Variants in CFAP44 observed in about 807,000 individuals in gnomAD.
CFAP44 encodes the protein cilia and flagella associated protein 44, also known as cilia- and flagella-associated protein 44.
In CFAP44, 134 loss-of-function variants were observed where a neutral mutation model predicts 216.2. The ratio of observed to expected loss-of-function variants is 0.62; its 90% confidence interval spans 0.54 to 0.72. CFAP44 has a LOEUF of 0.72. CFAP44 is among the 30% of genes least tolerant of loss of function. The pLI is 0.00. For synonymous variants in CFAP44, 700 were observed against 727.6 expected (o/e 0.96, Z 0.61); for missense variants, 2,035 against 2,182.1 (o/e 0.93, Z 1.34).
chr3:113,326,030 A>G (rs943965489), intron 28 of CFAP44, among the ~76,000 whole-genome samples: 3 of 152,232 alleles, frequency 2.0e-5, no homozygotes, highest in Non-Finnish European at 4.4e-5. Flanking sequence ...TGCAAACCAC[A>G]TATCTGACAC....
chr3:113,324,701 G>C (rs1422648346), intron 28 of CFAP44, among the ~76,000 whole-genome samples: 1 of 152,160 alleles, frequency 6.6e-6, no homozygotes, highest in Non-Finnish European at 1.5e-5. Flanking sequence ...CACTCACATA[G>C]TACTGGATGT....
At chr3:113,302,918 A>G (rs1017738588) in intron 32 of CFAP44, among the ~76,000 whole-genome samples, 8 of 152,196 alleles carry the variant, frequency 5.3e-5, no homozygotes, top group African/African-American at 1.9e-4. Context: ...TCAAAAATGG[A>G]CAAAGGATAG....
At chr3:113,400,808 G>A in intron 11 of CFAP44, 164 bp from the exon 12 acceptor site, 1 of 658,798 alleles carries the variant, frequency 1.5e-6, no homozygotes. Flanking sequence ...TCAGAATTAG[G>A]AGAACCAGAT....
chr3:113,289,887 G>A lies in CFAP44; in HGVS notation c.*1670C>T, dbSNP rs1949812690. 1 of 152,318 alleles carries A rather than the reference G, an allele frequency of 6.6e-6. No homozygotes were observed. Among genetic ancestry groups the A allele is most frequent in the South Asian group, 2.1e-4 (1 of 4,836 alleles). The allele number at this position is 152,318 out of a possible 1,614,324, so 9.4% of individuals were successfully genotyped here. ...GAAGCCCTGCCTAATGGCCAAGGGA[G>A]TGAATTTGCTAATAGCCCCTCCAGC... On this transcript the variant is annotated 3_prime_UTR_variant, in exon 35 of 35. Coordinates refer to ENST00000393845, the MANE Select transcript of CFAP44 (RefSeq NM_001164496.2).
In CFAP44 at chr3:113,307,082, A is replaced by G. The variant is rs114890078; in HGVS notation, c.4628-751T>C. ...TTGTTTTTTCTCTACTGAACCGTTCATCTATTGAGACTGCAAGAAATTGGT... is the reference window on the plus strand; with the variant it reads ...TTGTTTTTTCTCTACTGAACCGTTCGTCTATTGAGACTGCAAGAAATTGGT... On this transcript the variant is annotated intron_variant, in intron 29 of 34. Transcript: ENST00000393845. 9.4e-3 allele frequency among the ~76,000 whole-genome samples: 1,425 copies of G among 152,350 alleles called. 21 individuals are homozygous for G. Among genetic ancestry groups the G allele is most frequent in the African/African-American group, 0.033 (1,375 of 41,576 alleles).
intron 13 of CFAP44, among the ~76,000 whole-genome samples, chr3:113,399,476 G>A (rs1190852541): frequency 6.9e-6 from 1 of 144,266 alleles, no homozygotes; most frequent in Non-Finnish European, 1.6e-5. Flanking sequence ...ATCTGCCTCT[G>A]CCTCCCTCCC....
At chr3:113,403,532 T>C (rs1242110417) in intron 9 of CFAP44, among the ~76,000 whole-genome samples, 1 of 152,250 alleles carries the variant, frequency 6.6e-6, no homozygotes, top group Non-Finnish European at 1.5e-5. Context: ...CCCATTCATA[T>C]GGAGCCTTTT....
In CFAP44 at chr3:113,436,606, T is replaced by C. The variant is rs147384408; in HGVS notation, c.-5-2937A>G. Reference sequence around the variant, plus strand: ...CTGACAGTCGTGACTGAAGTGACTATGATTGATCGATAATGATTTCTTTGA... The same window carrying C: ...CTGACAGTCGTGACTGAAGTGACTACGATTGATCGATAATGATTTCTTTGA... On this transcript the variant is annotated intron_variant, in intron 1 of 34. Coordinates refer to ENST00000393845, the MANE Select transcript of CFAP44 (RefSeq NM_001164496.2). Among the ~76,000 whole-genome samples the C allele has an allele frequency of 5.6e-4, 86 of 152,340 alleles. 1 individual carries two copies. The highest frequency in any genetic ancestry group is 1.6e-3 in the African/African-American group (66 of 41,574).
At chr3:113,420,764 G>A (rs1227825740) in intron 4 of CFAP44, among the ~76,000 whole-genome samples, 1 of 151,990 alleles carries the variant, frequency 6.6e-6, no homozygotes, top group East Asian at 1.9e-4. Flanking sequence ...CACACCATTT[G>A]ATAACATGAT....
chr3:113,361,344 CTATAG>C (rs1411179306), intron 21 of CFAP44: 2 of 214,296 alleles, frequency 9.3e-6, no homozygotes, highest in East Asian at 2.2e-4. Flanking sequence ...AAGTTGCGTA[CTATAG>C]TATAATTTTG....
chr3:113,326,408 G>C (rs1283873317), intron 28 of CFAP44, 37 bp downstream of exon 28: 3 of 1,446,592 alleles, frequency 2.1e-6, no homozygotes, highest in Admixed American at 2.8e-5. Context: ...ATGTTAATGA[G>C]AGAAAATAAG....
At chr3:113,315,457 G>T (rs1217966312) in intron 28 of CFAP44, among the ~76,000 whole-genome samples, 4 of 152,004 alleles carry the variant, frequency 2.6e-5, no homozygotes, top group African/African-American at 9.7e-5. Flanking sequence ...AATAAAAGAA[G>T]AAATGAAATA....
intron 2 of CFAP44, 79 bp downstream of exon 2, chr3:113,433,486 A>G (rs1211776163): frequency 1.2e-5 from 8 of 641,062 alleles, no homozygotes; most frequent in African/African-American, 1.9e-5. Flanking sequence ...TGCTCTTTCC[A>G]TTCTACTATA....
At chr3:113,349,205 C>T (rs1299793118) in intron 22 of CFAP44, among the ~76,000 whole-genome samples, 1 of 152,186 alleles carries the variant, frequency 6.6e-6, no homozygotes, top group Non-Finnish European at 1.5e-5. Flanking sequence ...CTTCCTCAAG[C>T]TGCTATGGGA....
Position 113,400,627 on chromosome 3 carries a change from G to A in CFAP44, c.1392C>T (p.Cys464=). The part of the protein sequence containing the change: ...SFSNITQDPE[C]LFSFHSGAIE... ...TAGCTCCAGAATGGAAGGAGAAGAG[G>A]CATTCTGGGTCCTGGGTCTGAGAAT... Residue 464 remains cysteine (C), a synonymous_variant, in exon 12 of 35, where the codon TGC becomes TGT. Transcript: ENST00000393845. The A allele has an allele frequency of 6.2e-7, 1 of 1,608,996 alleles. No homozygotes were observed. The highest frequency in any genetic ancestry group is 1.1e-5 in the South Asian group (1 of 90,626).
intron 34 of CFAP44, 99 bp downstream of exon 34, chr3:113,294,588 A>T: frequency 7.1e-7 from 1 of 1,409,078 alleles, no homozygotes; most frequent in Non-Finnish European, 9.3e-7. Context: ...AAGATCAAGC[A>T]AGGTTTGTTT....
intron 21 of CFAP44, among the ~76,000 whole-genome samples, chr3:113,362,560 C>A (rs1319574365): frequency 2.0e-5 from 3 of 152,200 alleles, no homozygotes; most frequent in Non-Finnish European, 4.4e-5. Flanking sequence ...TAATAGGCAT[C>A]AGAAACCCCA....
chr3:113,424,844 A>G lies in CFAP44; in HGVS notation c.407+1280T>C, dbSNP rs139992058. 2.9e-3 allele frequency among the ~76,000 whole-genome samples: 447 copies of G among 152,356 alleles called. 3 individuals are homozygous for G. The highest frequency in any genetic ancestry group is 0.01 in the African/African-American group (425 of 41,582). Reference sequence around the variant, plus strand: ...TGACTCTGATGTTTAGAATTTAGGCATATTTGTCTAATACAGACCCTCCCA... The same window carrying G: ...TGACTCTGATGTTTAGAATTTAGGCGTATTTGTCTAATACAGACCCTCCCA... On this transcript the variant is annotated intron_variant, in intron 4 of 34. Transcript: ENST00000393845.
rs375586953 is a variant in CFAP44 at position 113,360,382 on chromosome 3, G to A, written c.2935-1507C>T. ...GAATACTATATGTCTGAGTATTTGA[G>A]AATGAGTGGTGTCTATTGGGGTTTG... On this transcript the variant is annotated intron_variant, in intron 21 of 34. Coordinates refer to ENST00000393845, the MANE Select transcript of CFAP44 (RefSeq NM_001164496.2). 303 of 227,300 alleles carry A rather than the reference G, an allele frequency of 1.3e-3. 2 individuals carry two copies. Among genetic ancestry groups the A allele is most frequent in the African/African-American group, 5.6e-3 (245 of 43,508 alleles). The allele number at this position is 227,300 out of a possible 1,614,324, so 14.1% of individuals were successfully genotyped here. A position where few individuals can be genotyped will look rare whatever the true frequency, so the allele number is the denominator to read the frequency against.
Sources: gnomAD v4.1 joint callset for allele counts (sites outside exome capture counted in the v4.1 genomes callset) on GRCh38, gnomAD v4.1.1 for gene constraint, MANE v1.5 for transcripts, NCBI Gene and HGNC (gene_info 2026-07-23, HGNC 2026-07-21) for gene names.